CGRRF1: variants seen among roughly 807,000 people sequenced by gnomAD.
CGRRF1 encodes cell growth regulator with ring finger domain 1, also known as cell growth regulator with RING finger domain protein 1.
CGRRF1 carries 32 observed loss-of-function variants against 37.2 expected under a neutral mutation model. The ratio of observed to expected loss-of-function variants is 0.86; its 90% CI spans 0.65 to 1.16. CGRRF1 has a LOEUF of 1.16. Ranked by LOEUF, CGRRF1 falls within the 50% of genes most tolerant of loss-of-function variation. The probability of loss-of-function intolerance (pLI) is 0.00; values close to 1 mark genes in which losing one functional copy is unlikely to be tolerated. For missense variants in CGRRF1, 391 were observed against 382.6 expected (o/e 1.02, Z -0.18); for synonymous variants, 141 against 140.3 (o/e 1.00, Z -0.04).
At chr14:54,535,312 T>C (rs2140067528) in intron 4 of CGRRF1, among the ~76,000 whole-genome samples, 1 of 151,770 alleles carries the variant, frequency 6.6e-6, no homozygotes, top group South Asian at 2.1e-4. Context: ...GCCTGGAACA[T>C]TTCCATACTC....
At position 54,522,087 on chromosome 14, in the gene CGRRF1, G is replaced by C. The variant is rs569447821; in HGVS notation, c.105-367G>C. ...TAAGTCCCTTATATAACATTACATA[G>C]TATTTGCATATAACCTACACACGTC... On this transcript the variant is annotated intron_variant, in intron 1 of 5. Coordinates refer to ENST00000216420, the MANE Select transcript of CGRRF1 (RefSeq NM_006568.3). Among the ~76,000 whole-genome samples the C allele has an allele frequency of 5.9e-5, 9 of 152,238 alleles. No homozygotes were observed. In the South Asian group the frequency reaches 1.9e-3, roughly 32 times the overall value.
intron 4 of CGRRF1, among the ~76,000 whole-genome samples, chr14:54,532,119 T>C (rs1462734692): frequency 6.6e-6 from 1 of 152,168 alleles, no homozygotes; most frequent in East Asian, 1.9e-4. Flanking sequence ...CTGAGCTTTT[T>C]GTGTGTGTTT....
chr14:54,522,654 A>C, intron 2 of CGRRF1, 61 bp downstream of exon 2: 1 of 1,437,632 alleles, frequency 7.0e-7, no homozygotes. Context: ...TAGCCCTTTT[A>C]TTTTCTTTCT....
intron 2 of CGRRF1, among the ~76,000 whole-genome samples, chr14:54,526,494 C>T (rs530034610): frequency 6.6e-6 from 1 of 151,826 alleles, no homozygotes; most frequent in Admixed American, 6.6e-5. Context: ...ACCAGAGAAT[C>T]GATTTTAATC....
At chr14:54,519,477 C>G in intron 1 of CGRRF1, among the ~76,000 whole-genome samples, 1 of 150,656 alleles carries the variant, frequency 6.6e-6, no homozygotes. Flanking sequence ...TGTCGAACTC[C>G]TGGGCTCAAG....
intron 1 of CGRRF1, among the ~76,000 whole-genome samples, chr14:54,510,419 G>T (rs771215805): frequency 6.6e-6 from 1 of 152,306 alleles, no homozygotes; most frequent in Non-Finnish European, 1.5e-5. Context: ...CCGGATTCGG[G>T]CCTACTGTGT....
intron 1 of CGRRF1, among the ~76,000 whole-genome samples, chr14:54,512,816 T>A (rs1261499256): frequency 6.6e-6 from 1 of 152,206 alleles, no homozygotes; most frequent in Non-Finnish European, 1.5e-5. Context: ...CAGTATCCTT[T>A]CCTCAGATCT....
chr14:54,515,338 C>T (rs962681122), intron 1 of CGRRF1, among the ~76,000 whole-genome samples: 11 of 151,820 alleles, frequency 7.2e-5, no homozygotes, highest in Non-Finnish European at 1.3e-4. Flanking sequence ...ATGATCTGCC[C>T]GCGATGACCT....
chr14:54,525,430 A>G (rs115888708), intron 2 of CGRRF1, among the ~76,000 whole-genome samples: 83 of 152,328 alleles, frequency 5.4e-4, no homozygotes, highest in African/African-American at 2.0e-3. Context: ...TTGCTAACCA[A>G]CAGTAGTATT....
intron 1 of CGRRF1, among the ~76,000 whole-genome samples, chr14:54,519,448 C>T (rs1259790443): frequency 1.4e-5 from 2 of 146,070 alleles, no homozygotes; most frequent in Admixed American, 6.9e-5. Flanking sequence ...TGGGGTCTCG[C>T]TATTGTTGCC....
At chr14:54,516,557 A>C (rs952356853) in intron 1 of CGRRF1, among the ~76,000 whole-genome samples, 1 of 151,852 alleles carries the variant, frequency 6.6e-6, no homozygotes, top group Non-Finnish European at 1.5e-5. Flanking sequence ...TTCTTTGGCT[A>C]CCGTAGCATA....
At chr14:54,521,803 G>T (rs552973944) in intron 1 of CGRRF1, among the ~76,000 whole-genome samples, 1 of 152,010 alleles carries the variant, frequency 6.6e-6, no homozygotes, top group East Asian at 1.9e-4. Flanking sequence ...CACCACACCC[G>T]GCCAATAGTC....
chr14:54,535,432 A>T (rs1027538841), intron 4 of CGRRF1, among the ~76,000 whole-genome samples: 2 of 150,234 alleles, frequency 1.3e-5, no homozygotes, highest in South Asian at 4.3e-4. Context: ...TGTTTGTCTG[A>T]TTTTTCTTAT....
intron 1 of CGRRF1, among the ~76,000 whole-genome samples, chr14:54,511,134 C>A (rs577882319): frequency 6.6e-6 from 1 of 152,166 alleles, no homozygotes; most frequent in African/African-American, 2.4e-5. Flanking sequence ...TTTAAAATAG[C>A]CTTTGGTCAC....
chr14:54,509,950 C>T lies in CGRRF1; in HGVS notation c.-10C>T, dbSNP rs759894263. ...GGCTGGAGCCGGGCTCTACCCAGAG[C>T]AAGACCCTGATGGCTGCGGTGTTTC... is the stretch of plus-strand genomic sequence containing the variant. On this transcript the variant is annotated 5_prime_UTR_variant, in exon 1 of 6. Transcript: ENST00000216420. 2 of 1,602,488 alleles carry T rather than the reference C, an allele frequency of 1.2e-6. No homozygotes were observed. The highest frequency in any genetic ancestry group is 1.7e-6 in the Non-Finnish European group (2 of 1,169,516).
rs1242213663 is a variant in CGRRF1 at position 54,522,351 on chromosome 14, C to G, written c.105-103C>G. 1.0e-4 allele frequency: 83 copies of G among 800,530 alleles called. 2 individuals are homozygous for G. In the South Asian group the frequency reaches 1.9e-3, roughly 18 times the overall value. 49.6% of individuals were successfully genotyped at this position (800,530 alleles called of 1,614,324 possible). On this transcript the variant is annotated intron_variant, in intron 1 of 5. Coordinates refer to ENST00000216420, the MANE Select transcript of CGRRF1 (RefSeq NM_006568.3). ...TGAGAAATTTAACCTCTTTCTGACA[C>G]TTAATGCTAAAAGGAATCGCTAATG...
At position 54,530,979 on chromosome 14, in the gene CGRRF1, C is replaced by G. The variant is rs528877642; in HGVS notation, c.499C>G (p.Pro167Ala). The change falls in exon 4 of 6, where the codon CCC becomes GCC. Residue 167 changes from proline to alanine, a missense_variant. Transcript: ENST00000216420. ...TAAAATTGAAGACTTTGGTACAGTACCCAGATCTCGCTATCCATTGGTAGC... is the reference window on the plus strand; with the variant it reads ...TAAAATTGAAGACTTTGGTACAGTAGCCAGATCTCGCTATCCATTGGTAGC... Reference protein sequence around the residue: ...DTKIEDFGTVPRSRYPLVALL... With the variant: ...DTKIEDFGTVARSRYPLVALL... 1.5e-5 allele frequency: 24 copies of G among 1,609,986 alleles called. 1 individual carries two copies. The South Asian group carries it at 2.6e-4, about 18-fold the overall frequency.
rs774334133 is a variant in CGRRF1 at position 54,537,703 on chromosome 14, T to C, written c.571-19T>C. 6.1e-5 allele frequency: 94 copies of C among 1,533,588 alleles called. No individual in the cohort carries two copies. The highest frequency in any genetic ancestry group is 8.0e-5 in the Non-Finnish European group (92 of 1,145,326). The allele number at this position is 1,533,588 out of a possible 1,614,324, so 95.0% of individuals were successfully genotyped here. A position where few individuals can be genotyped will look rare whatever the true frequency, so the allele number is the denominator to read the frequency against. On this transcript the variant is annotated intron_variant, in intron 4 of 5. Transcript: ENST00000216420. ...TATAAAGATTTTAAGTACTGACCAG[T>C]GTTCAATTTTTATTTTAGATTTCCA...
At chr14:54,512,387 C>G (rs951903459) in intron 1 of CGRRF1, among the ~76,000 whole-genome samples, 7 of 152,188 alleles carry the variant, frequency 4.6e-5, no homozygotes, top group African/African-American at 1.4e-4. Context: ...TCTGTGATCT[C>G]TGATAGCTTT....
Sources: gnomAD v4.1 joint callset for allele counts (sites outside exome capture counted in the v4.1 genomes callset) on GRCh38, gnomAD v4.1.1 for gene constraint, MANE v1.5 for transcripts, NCBI Gene and HGNC (gene_info 2026-07-23, HGNC 2026-07-21) for gene names.